Variants in CPE observed in about 807,000 individuals in gnomAD.
The protein encoded by CPE is carboxypeptidase E, also known as carbocypeptidase E.
CPE carries 17 observed loss-of-function variants against 53.5 expected under a neutral mutation model. The observed-to-expected ratio is 0.32, with a 90% CI of 0.22 to 0.48. The LOEUF (loss-of-function observed/expected upper bound fraction) is 0.48, where lower values mean the gene tolerates loss of function less well. Ranked by LOEUF, CPE falls within the 20% of genes least tolerant of loss-of-function variation. The pLI is 0.99. For synonymous variants in CPE, 226 were observed against 228.8 expected (o/e 0.99, Z 0.11); for missense variants, 524 against 614.7 (o/e 0.85, Z 1.56).
intron 1 of CPE, among the ~76,000 whole-genome samples, chr4:165,442,367 C>A (rs1241298100): frequency 6.6e-6 from 1 of 152,004 alleles, no homozygotes; most frequent in Admixed American, 6.6e-5. Flanking sequence ...AGTTTTTATA[C>A]CAAAAATATA....
At chr4:165,459,457 A>C (rs1326686701) in intron 1 of CPE, among the ~76,000 whole-genome samples, 1 of 152,142 alleles carries the variant, frequency 6.6e-6, no homozygotes, top group Non-Finnish European at 1.5e-5. Flanking sequence ...ATTGTGTGCC[A>C]TGTGAAGTAA....
At chr4:165,485,886 G>A (rs1048943683) in intron 5 of CPE, among the ~76,000 whole-genome samples, 12 of 152,306 alleles carry the variant, frequency 7.9e-5, no homozygotes, top group African/African-American at 2.4e-4. Context: ...TTGGGTACTT[G>A]TAATTTATTA....
At chr4:165,457,515 T>C (rs561139575) in intron 1 of CPE, among the ~76,000 whole-genome samples, 116 of 152,340 alleles carry the variant, frequency 7.6e-4, no homozygotes, top group Non-Finnish European at 1.3e-3. Flanking sequence ...CTCCTTCAAT[T>C]AGAATCTTAG....
intron 2 of CPE, among the ~76,000 whole-genome samples, chr4:165,465,565 A>G (rs1372837442): frequency 6.6e-6 from 1 of 152,112 alleles, no homozygotes; most frequent in Non-Finnish European, 1.5e-5. Flanking sequence ...TATGTGGGAA[A>G]TATATCTATA....
At chr4:165,409,356 A>G (rs1579248351) in intron 1 of CPE, among the ~76,000 whole-genome samples, 3 of 152,046 alleles carry the variant, frequency 2.0e-5, no homozygotes, top group South Asian at 4.1e-4. Flanking sequence ...GGTGTGTGCT[A>G]CCATGCCTGG....
rs748618981 is a variant in CPE, at chr4:165,445,020, G to A, written c.308-19370G>A. Among the ~76,000 whole-genome samples the A allele has an allele frequency of 1.5e-4, 23 of 151,958 alleles. No homozygotes were observed. In the East Asian group the frequency reaches 2.7e-3, roughly 18 times the overall value. ...CACCTAAGCTGGAGTGCAGTGGCAC[G>A]AACTTGGCTTACTGCAACCTCTGCC... On this transcript the variant is annotated intron_variant, in intron 1 of 8. Coordinates refer to ENST00000402744, the MANE Select transcript of CPE (RefSeq NM_001873.4).
At chr4:165,405,053 C>A (rs1305810654) in intron 1 of CPE, 1 of 720,164 alleles carries the variant, frequency 1.4e-6, no homozygotes, top group Non-Finnish European at 2.6e-6. Flanking sequence ...TCTTTCAAAA[C>A]CTTGGTAATC....
chr4:165,387,252 T>C (rs933478293), intron 1 of CPE, among the ~76,000 whole-genome samples: 2 of 152,186 alleles, frequency 1.3e-5, no homozygotes, highest in Non-Finnish European at 1.5e-5. Flanking sequence ...GTGGCACATG[T>C]GGAGTATTAA....
chr4:165,416,603 C>T (rs1038424956), intron 1 of CPE, among the ~76,000 whole-genome samples: 2 of 151,668 alleles, frequency 1.3e-5, no homozygotes, highest in African/African-American at 2.4e-5. Flanking sequence ...TTGCACATGC[C>T]GTTTCCTCTG....
chr4:165,484,277 T>C, intron 4 of CPE, 145 bp from the exon 5 acceptor site: 2 of 731,736 alleles, frequency 2.7e-6, no homozygotes, highest in Non-Finnish European at 4.4e-6. Context: ...TTATTTAGTA[T>C]TTAAATTTTA....
chr4:165,436,452 A>C (rs1378587691), intron 1 of CPE, among the ~76,000 whole-genome samples: 1 of 152,186 alleles, frequency 6.6e-6, no homozygotes, highest in African/African-American at 2.4e-5. Flanking sequence ...ACCATACAGC[A>C]TGATCTATGT....
chr4:165,450,051 C>CTTT (rs1185959250), intron 1 of CPE, among the ~76,000 whole-genome samples: 11 of 152,088 alleles, frequency 7.2e-5, no homozygotes, highest in Admixed American at 7.2e-4. Flanking sequence ...TTACTTGGGA[C>CTTT]ACACATGAAA....
intron 1 of CPE, among the ~76,000 whole-genome samples, chr4:165,418,448 T>G (rs1731159537): frequency 6.6e-6 from 1 of 152,216 alleles, no homozygotes; most frequent in African/African-American, 2.4e-5. Context: ...ATCTGTAGTT[T>G]GAGGTTTTTG....
At chr4:165,408,726 A>G (rs980680354) in intron 1 of CPE, among the ~76,000 whole-genome samples, 1 of 152,184 alleles carries the variant, frequency 6.6e-6, no homozygotes, top group Non-Finnish European at 1.5e-5. Context: ...TTTTCTGTCA[A>G]GTTCCCAGGG....
At chr4:165,404,992 C>T in intron 1 of CPE, 1 of 748,836 alleles carries the variant, frequency 1.3e-6, no homozygotes, top group East Asian at 2.5e-5. Flanking sequence ...GCACTCTGTG[C>T]TTAAAACTAA....
chr4:165,401,484 T>C (rs899438058), intron 1 of CPE, among the ~76,000 whole-genome samples: 1 of 152,230 alleles, frequency 6.6e-6, no homozygotes. Context: ...AGAAAGTCTT[T>C]ATGTGGCTCA....
At chr4:165,480,176 C>G (rs570175679) in intron 3 of CPE, among the ~76,000 whole-genome samples, 22 of 152,178 alleles carry the variant, frequency 1.4e-4, no homozygotes, top group South Asian at 1.2e-3. Context: ...CTTTAAAACA[C>G]ATAATAATTC....
intron 1 of CPE, among the ~76,000 whole-genome samples, chr4:165,411,489 G>T (rs975008706): frequency 4.6e-5 from 7 of 152,154 alleles, no homozygotes; most frequent in African/African-American, 1.7e-4. Flanking sequence ...TGTCATACCA[G>T]TTGCTAAATA....
At chr4:165,420,448 ATAAATATTTTGTTTTTGGCCTTT>A in intron 1 of CPE, among the ~76,000 whole-genome samples, 1 of 152,180 alleles carries the variant, frequency 6.6e-6, no homozygotes, top group Middle Eastern at 3.4e-3. Flanking sequence ...TATTTTTCAT[ATAAATATTTTGTTTTTGGCCTTT>A]TTGCTGAACT....
Sources: allele counts gnomAD v4.1 joint callset (sites outside exome capture counted in the v4.1 genomes callset), GRCh38; gene constraint gnomAD v4.1.1; transcripts MANE v1.5; gene names NCBI Gene and HGNC (gene_info 2026-07-23, HGNC 2026-07-21).